ACADM: variants seen among roughly 807,000 people sequenced by gnomAD.
ACADM encodes the protein medium-chain specific acyl-CoA dehydrogenase, mitochondrial.
In ACADM, 49 loss-of-function variants were observed where a neutral mutation model predicts 58.9. The observed-to-expected ratio is 0.83, with a 90% CI of 0.66 to 1.06. The LOEUF is 1.06. Ranked by LOEUF, ACADM falls within the 50% of genes least tolerant of loss-of-function variation. The pLI is 0.00. For synonymous variants in ACADM, 160 were observed against 157.7 expected (o/e 1.01, Z -0.11); for missense variants, 496 against 507.0 (o/e 0.98, Z 0.21).
At chr1:75,735,766 C>G (rs1221685115) in intron 6 of ACADM, among the ~76,000 whole-genome samples, 1 of 151,598 alleles carries the variant, frequency 6.6e-6, no homozygotes, top group Non-Finnish European at 1.5e-5. Flanking sequence ...ATCTCTTGAA[C>G]CTGGGAGGCA....
chr1:75,757,564 T>C (rs979570096), intron 10 of ACADM, among the ~76,000 whole-genome samples: 2 of 152,168 alleles, frequency 1.3e-5, no homozygotes, highest in African/African-American at 4.8e-5. Context: ...CAACAGGTGC[T>C]GGAGAGGATG....
intron 7 of ACADM, 64 bp from the exon 8 acceptor site, chr1:75,745,742 G>C: frequency 9.0e-7 from 1 of 1,116,182 alleles, no homozygotes; most frequent in Admixed American, 1.7e-5. Context: ...AATTAACTGA[G>C]AGAGCAATCA....
chr1:75,728,632 C>CTCACACTCCAT (rs1647093706), intron 2 of ACADM, 144 bp downstream of exon 2: 2 of 638,524 alleles, frequency 3.1e-6, no homozygotes, highest in East Asian at 5.9e-5. Context: ...TTTACAATAA[C>CTCACACTCCAT]TCACACTCCA....
chr1:75,748,731 A>G (rs1648034852), intron 8 of ACADM, among the ~76,000 whole-genome samples: 1 of 152,204 alleles, frequency 6.6e-6, no homozygotes, highest in East Asian at 1.9e-4. Flanking sequence ...AAGGAAATTG[A>G]CTATAAAGGG....
intron 5 of ACADM, among the ~76,000 whole-genome samples, chr1:75,734,056 G>C (rs1647195522): frequency 6.6e-6 from 1 of 152,052 alleles, no homozygotes; most frequent in African/African-American, 2.4e-5. Context: ...CGCGATCTTG[G>C]CTCACTGCAA....
In ACADM at chr1:75,749,563, A is replaced by G. The variant is rs749853092; in HGVS notation, c.849+4A>G. Reference sequence around the variant, plus strand: ...TTTTGATAAAACCAGACCTGTAGTAAGTAATATGGGTTCATAATCTTTATA... The same window carrying G: ...TTTTGATAAAACCAGACCTGTAGTAGGTAATATGGGTTCATAATCTTTATA... On this transcript the variant is annotated splice_donor_region_variant and intron_variant, in intron 9 of 11. Coordinates refer to ENST00000370841, the MANE Select transcript of ACADM (RefSeq NM_000016.6). The G allele has an allele frequency of 6.2e-7, 1 of 1,612,960 alleles. No individual in the cohort carries two copies. Among genetic ancestry groups the G allele is most frequent in the African/African-American group, 1.3e-5 (1 of 74,928 alleles).
intron 7 of ACADM, chr1:75,744,487 A>G: frequency 3.9e-6 from 6 of 1,537,104 alleles, no homozygotes; most frequent in Admixed American, 1.7e-5. Flanking sequence ...ATCTTCTGCA[A>G]CTGTGTCTCC....
chr1:75,725,204 T>C (rs1647031656), intron 1 of ACADM, among the ~76,000 whole-genome samples: 1 of 151,690 alleles, frequency 6.6e-6, no homozygotes, highest in Admixed American at 6.6e-5. Context: ...TAATGTTTAA[T>C]AAGCTTTTCG....
intron 10 of ACADM, among the ~76,000 whole-genome samples, chr1:75,754,178 AT>A (rs1557461275): frequency 1.4e-5 from 2 of 143,194 alleles, no homozygotes. Context: ...CTCTCAACCC[AT>A]TTGTGTGCCC....
At chr1:75,762,608 C>G in intron 11 of ACADM, 84 bp from the exon 12 acceptor site, 1 of 872,818 alleles carries the variant, frequency 1.1e-6, no homozygotes. Context: ...TACAACACAG[C>G]TTATGCTACT....
intron 9 of ACADM, among the ~76,000 whole-genome samples, 153 bp downstream of exon 9, chr1:75,749,712 C>CTTTT (rs35897798): frequency 7.3e-4 from 86 of 118,104 alleles, no homozygotes; most frequent in East Asian, 1.3e-3. Context: ...ACTTTTCTTT[C>CTTTT]TTTTTTTTTT....
intron 7 of ACADM, among the ~76,000 whole-genome samples, chr1:75,742,700 G>C (rs1275676323): frequency 9.2e-5 from 14 of 152,176 alleles, no homozygotes. Flanking sequence ...ATTGTGCCAA[G>C]ATGAGTCTTC....
chr1:75,750,417 T>A (rs773215145), intron 9 of ACADM, 34 bp from the exon 10 acceptor site: 1 of 1,528,268 alleles, frequency 6.5e-7, no homozygotes, highest in South Asian at 1.2e-5. Context: ...AAAGATAACA[T>A]GAACTTTTGC....
chr1:75,732,394 T>A (rs1245694081), intron 2 of ACADM: 2 of 452,602 alleles, frequency 4.4e-6, no homozygotes, highest in East Asian at 8.4e-5. Flanking sequence ...ACTTGAGCTC[T>A]ACAGGTTAAT....
chr1:75,749,711 T>TA, intron 9 of ACADM, 152 bp downstream of exon 9: 60 of 685,224 alleles, frequency 8.8e-5, no homozygotes, highest in Non-Finnish European at 1.1e-4. Context: ...TACTTTTCTT[T>TA]CTTTTTTTTT....
intron 1 of ACADM, 97 bp downstream of exon 1, chr1:75,724,914 G>A (rs1418116144): frequency 1.6e-6 from 2 of 1,269,550 alleles, no homozygotes; most frequent in African/African-American, 1.5e-5. Context: ...GCCGGGAGGA[G>A]TGGGAAGTCG....
chr1:75,746,910 G>T (rs894568983), intron 8 of ACADM, among the ~76,000 whole-genome samples: 2 of 152,010 alleles, frequency 1.3e-5, no homozygotes, highest in Admixed American at 6.6e-5. Context: ...AAGTCCCAAA[G>T]TTAGAGGCAG....
chr1:75,760,334 A>G, intron 10 of ACADM, among the ~76,000 whole-genome samples: 1 of 150,182 alleles, frequency 6.7e-6, no homozygotes, highest in South Asian at 2.1e-4. Flanking sequence ...AGGCAGGAAA[A>G]TCGCTTGAAC....
intron 1 of ACADM, among the ~76,000 whole-genome samples, chr1:75,726,882 G>A (rs542626746): frequency 6.9e-6 from 1 of 144,600 alleles, no homozygotes; most frequent in South Asian, 2.1e-4. Flanking sequence ...TAGGCTCACT[G>A]CAACCTCCGC....
Sources: gnomAD v4.1 joint callset for allele counts (sites outside exome capture counted in the v4.1 genomes callset) on GRCh38, gnomAD v4.1.1 for gene constraint, MANE v1.5 for transcripts, NCBI Gene and HGNC (gene_info 2026-07-23, HGNC 2026-07-21) for gene names.